The following CRYBG1 variants were observed in gnomAD, a reference collection of about 807,000 sequenced individuals.
CRYBG1 encodes beta/gamma crystallin domain-containing protein 1.
In CRYBG1, 139 loss-of-function variants were observed where a neutral mutation model predicts 189.2. The observed-to-expected ratio is 0.73, with a 90% CI of 0.64 to 0.85. The LOEUF is 0.85. Ranked by LOEUF, CRYBG1 falls within the 40% of genes least tolerant of loss-of-function variation. The pLI is 0.00. For missense variants in CRYBG1, 2,611 were observed against 2,675.8 expected, an observed-to-expected ratio of 0.98 and a Z score of 0.53; for synonymous variants, 1,023 against 1,017.1, an observed-to-expected ratio of 1.01 and a Z score of -0.11.
Position 106,442,743 on chromosome 6 carries a change from G to A in CRYBG1, c.174-8951G>A, listed in dbSNP as rs143913665. 1.1e-4 allele frequency among the ~76,000 whole-genome samples: 16 copies of A among 152,188 alleles called. No homozygotes were observed. The East Asian group carries it at 2.9e-3, about 28-fold the overall frequency. ...TGTGACAGATGTTATTATATGCCAC[G>A]GCAGAAACAAAGGGACTCATACCCA... On this transcript the variant is annotated intron_variant, in intron 1 of 21. Transcript: ENST00000633556.
intron 7 of CRYBG1, among the ~76,000 whole-genome samples, chr6:106,528,982 C>T (rs554488472): frequency 1.3e-5 from 2 of 148,238 alleles, no homozygotes; most frequent in East Asian, 2.0e-4. Context: ...CTTGCTCTGT[C>T]GCCCAGGCTG....
intron 13 of CRYBG1, among the ~76,000 whole-genome samples, chr6:106,546,522 TTTACTC>T (rs758489201): frequency 4.6e-5 from 7 of 152,336 alleles, no homozygotes; most frequent in Non-Finnish European, 7.4e-5. Flanking sequence ...ATGCTTAACT[TTTACTC>T]TTAGTAAATA....
intron 9 of CRYBG1, among the ~76,000 whole-genome samples, chr6:106,539,814 C>G (rs959121884): frequency 1.3e-5 from 2 of 151,546 alleles, no homozygotes; most frequent in Non-Finnish European, 2.9e-5. Flanking sequence ...GTAGGTTTAA[C>G]AAGTGAGGAA....
rs10428779 is a variant in CRYBG1 at position 106,378,122 on chromosome 6, G to A, written c.173+17041G>A. Among the ~76,000 whole-genome samples, 252 of 152,184 alleles carry A rather than the reference G, an allele frequency of 1.7e-3. 2 individuals are homozygous for A. The highest frequency in any genetic ancestry group is 5.8e-3 in the African/African-American group (239 of 41,538). On this transcript the variant is annotated intron_variant, in intron 1 of 21. Coordinates refer to ENST00000633556, the MANE Select transcript of CRYBG1 (RefSeq NM_001371242.2). ...GCTTAGGGGAGCCCTGTCACCCCCC[G>A]GTCATCCCTCACACAGCTCTCACCA...
chr6:106,371,246 A>G (rs1001322508), intron 1 of CRYBG1, among the ~76,000 whole-genome samples: 1 of 152,240 alleles, frequency 6.6e-6, no homozygotes, highest in Non-Finnish European at 1.5e-5. Context: ...TAAATATCTC[A>G]TGAAAGCACA....
intron 2 of CRYBG1, among the ~76,000 whole-genome samples, chr6:106,484,996 A>G (rs1772566884): frequency 6.6e-6 from 1 of 152,146 alleles, no homozygotes. Flanking sequence ...ATTTAAAAAA[A>G]AAGGTGGGGG....
In CRYBG1 at chr6:106,361,097, G is replaced by A. The variant is rs1771858655; in HGVS notation, c.173+16G>A. The A allele has an allele frequency of 1.3e-6, 2 of 1,533,102 alleles. No homozygotes were observed. The highest frequency in any genetic ancestry group is 2.4e-5 in the East Asian group (1 of 40,836). 95.0% of individuals were successfully genotyped at this position (1,533,102 alleles called of 1,614,324 possible). ...GAGAGGCCAGGTGAGCTCCTCGCCC[G>A]AGCCCTCCAGTCCCACCTCCTCCTC... is the stretch of plus-strand genomic sequence containing the variant. On this transcript the variant is annotated intron_variant, in intron 1 of 21. Transcript: ENST00000633556.
intron 1 of CRYBG1, among the ~76,000 whole-genome samples, chr6:106,420,470 A>G (rs537483236): frequency 6.6e-5 from 10 of 152,372 alleles, no homozygotes; most frequent in African/African-American, 9.6e-5. Context: ...GGAGTAGAGT[A>G]AATGAAGCCA....
At chr6:106,372,998 A>G (rs1055134104) in intron 1 of CRYBG1, among the ~76,000 whole-genome samples, 2 of 152,218 alleles carry the variant, frequency 1.3e-5, no homozygotes, top group Non-Finnish European at 2.9e-5. Context: ...TTGAACGAGT[A>G]GTTGGTAGAG....
At chr6:106,425,236 C>T (rs780003460) in intron 1 of CRYBG1, among the ~76,000 whole-genome samples, 2 of 152,104 alleles carry the variant, frequency 1.3e-5, no homozygotes, top group Non-Finnish European at 2.9e-5. Flanking sequence ...GGAGTAACAC[C>T]TGAGCCACCC....
At position 106,520,702 on chromosome 6, in the gene CRYBG1, A is replaced by G. The variant is rs752201884; in HGVS notation, c.3494A>G (p.Lys1165Arg). Residue 1165 changes from lysine to arginine, a missense_variant, in exon 4 of 22, where the codon AAG (lysine) becomes AGG (arginine). Transcript: ENST00000633556. ...TTTACCTTTGGTTTGGGGAAGAAGA[A>G]GGAAAGTCAGCCAGAAATGTCACCG... ...KVFTFGLGKK[K>R]ESQPEMSPAL... The G allele has an allele frequency of 1.3e-5, 21 of 1,614,056 alleles. No homozygotes were observed. In the Admixed American group the frequency reaches 3.3e-4, roughly 26 times the overall value.
chr6:106,400,479 A>G (rs1038021545), intron 1 of CRYBG1, among the ~76,000 whole-genome samples: 5 of 152,194 alleles, frequency 3.3e-5, no homozygotes, highest in Admixed American at 1.3e-4. Context: ...TCAGAAGGAT[A>G]GGAATAGAAA....
chr6:106,543,555 T>G lies in CRYBG1; in HGVS notation c.4997T>G (p.Leu1666Trp). ...ETEEATGDDH[L>W]PFTSVGSMKV... ...GAAGAGGCGACTGGAGACGATCATT[T>G]GCCGTTTACGTCAGTGGGGTCTATG... The change falls in exon 11 of 22, where the codon TTG becomes TGG. Residue 1666 changes from leucine (L) to tryptophan (W), a missense_variant. Leu to Trp is a moderately conservative substitution (Grantham distance 61, BLOSUM62 -2). Transcript: ENST00000633556. 6.2e-7 allele frequency: 1 copy of G among 1,614,118 alleles called. No individual in the cohort carries two copies. Among genetic ancestry groups the G allele is most frequent in the Non-Finnish European group, 8.5e-7 (1 of 1,179,960 alleles).
intron 2 of CRYBG1, among the ~76,000 whole-genome samples, chr6:106,472,498 A>G (rs13203592): frequency 0.84 from 128,526 of 152,140 alleles, 54,571 homozygotes; most frequent in East Asian, 0.96. Flanking sequence ...AAAACAGTAC[A>G]CTAAACATTT....
chr6:106,367,147 G>A (rs1309598908), intron 1 of CRYBG1, among the ~76,000 whole-genome samples: 2 of 152,170 alleles, frequency 1.3e-5, no homozygotes, highest in Non-Finnish European at 2.9e-5. Flanking sequence ...CTCTGTCATT[G>A]AATTACTTTA....
chr6:106,557,265 C>T (rs1021571268), intron 17 of CRYBG1, among the ~76,000 whole-genome samples: 2 of 152,228 alleles, frequency 1.3e-5, no homozygotes, highest in African/African-American at 4.8e-5. Context: ...ACTACTTCTA[C>T]ACACTAACAT....
chr6:106,512,961 GAGC>G lies in CRYBG1; in HGVS notation c.1845_1847del (p.Ala616del). On this transcript the variant is annotated inframe_deletion, in exon 3 of 22. Coordinates refer to ENST00000633556, the MANE Select transcript of CRYBG1 (RefSeq NM_001371242.2). ...CTGGGCAGAGCGGCCGGAGCGCCTG[GAGC>G]TTCTGACGCCGACGGCTTGAAGCCC... 2.5e-6 allele frequency: 4 copies of G among 1,611,252 alleles called. No homozygotes were observed. Among genetic ancestry groups the G allele is most frequent in the Non-Finnish European group, 3.4e-6 (4 of 1,179,406 alleles).
chr6:106,449,256 T>G (rs529248882), intron 1 of CRYBG1: 2 of 152,336 alleles, frequency 1.3e-5, no homozygotes, highest in African/African-American at 4.8e-5. Flanking sequence ...GGTAGATTGC[T>G]TTTATCTCTC....
chr6:106,476,278 G>A (rs1582784498), intron 2 of CRYBG1, among the ~76,000 whole-genome samples: 1 of 152,312 alleles, frequency 6.6e-6, no homozygotes, highest in East Asian at 1.9e-4. Flanking sequence ...GCATGGTGGA[G>A]AAAGGCACTG....
Sources: allele counts gnomAD v4.1 joint callset (sites outside exome capture counted in the v4.1 genomes callset), GRCh38; gene constraint gnomAD v4.1.1; transcripts MANE v1.5; gene names NCBI Gene and HGNC (gene_info 2026-07-23, HGNC 2026-07-21).